The following XPO1 variants were observed in gnomAD, a reference collection of about 807,000 sequenced individuals.
XPO1 encodes the protein exportin-1.
XPO1 carries 5 observed loss-of-function variants against 133.3 expected under a neutral mutation model. That is an observed-to-expected ratio of 0.04 (90% CI 0.02 to 0.08). XPO1 has a LOEUF of 0.08. Ranked by LOEUF, XPO1 falls within the 10% of genes least tolerant of loss-of-function variation. The pLI is 1.00. For synonymous variants in XPO1, 419 were observed against 408.2 expected, an observed-to-expected ratio of 1.03 and a Z score of -0.32; for missense variants, 506 against 1,267.5, an observed-to-expected ratio of 0.40 and a Z score of 9.12.
chr2:61,496,059 T>C (rs1025878727), intron 10 of XPO1, among the ~76,000 whole-genome samples: 7 of 152,168 alleles, frequency 4.6e-5, no homozygotes, highest in African/African-American at 1.7e-4. Context: ...TACCTATTCT[T>C]ATATCTCTAG....
intron 4 of XPO1, among the ~76,000 whole-genome samples, chr2:61,518,935 A>T (rs958813516): frequency 3.3e-5 from 5 of 152,170 alleles, no homozygotes; most frequent in African/African-American, 1.2e-4. Flanking sequence ...TCTTTTAAAC[A>T]TCCTTACTTT....
intron 4 of XPO1, among the ~76,000 whole-genome samples, chr2:61,504,794 T>C (rs1697714615): frequency 3.3e-5 from 5 of 152,202 alleles, no homozygotes; most frequent in Admixed American, 3.3e-4. Context: ...TATATAATTT[T>C]TATTAACTAT....
At chr2:61,530,264 ATT>A (rs1474812384) in intron 2 of XPO1, among the ~76,000 whole-genome samples, 1 of 152,156 alleles carries the variant, frequency 6.6e-6, no homozygotes, top group Non-Finnish European at 1.5e-5. Flanking sequence ...CATAAATAAT[ATT>A]CTTTCCTGTT....
intron 4 of XPO1, among the ~76,000 whole-genome samples, chr2:61,505,257 T>A (rs148755859): frequency 6.6e-6 from 1 of 152,224 alleles, no homozygotes. Flanking sequence ...CCACATTTTA[T>A]GTTGGGATTA....
At chr2:61,482,159 T>TGCGATCATAGCTCACTGCAGTCTTAAA (rs1553401195) in intron 23 of XPO1, among the ~76,000 whole-genome samples, 4 of 150,676 alleles carry the variant, frequency 2.7e-5, no homozygotes, top group Admixed American at 6.7e-5. Context: ...CAAACAACCC[T>TGCGATCATAGCTCACTGCAGTCTTAAA]CTCGCCTCAG....
At chr2:61,503,212 C>T (rs1219585075) in intron 4 of XPO1, among the ~76,000 whole-genome samples, 1 of 152,072 alleles carries the variant, frequency 6.6e-6, no homozygotes, top group African/African-American at 2.4e-5. Flanking sequence ...CCTCCTCGGC[C>T]TCCCAAAGTG....
At chr2:61,526,802 G>A (rs1698923582) in intron 2 of XPO1, among the ~76,000 whole-genome samples, 1 of 151,820 alleles carries the variant, frequency 6.6e-6, no homozygotes, top group Non-Finnish European at 1.5e-5. Context: ...CTGCCTCCTG[G>A]GTTCAAGCGA....
intron 19 of XPO1, 148 bp from the exon 20 acceptor site, chr2:61,486,110 A>G (rs1368760062): frequency 7.9e-6 from 6 of 756,430 alleles, no homozygotes; most frequent in East Asian, 2.8e-5. Context: ...TTCCTACGTC[A>G]AAACAGTTTT....
chr2:61,526,019 G>C, intron 3 of XPO1: 2 of 1,064,518 alleles, frequency 1.9e-6, no homozygotes, highest in Non-Finnish European at 2.3e-6. Context: ...CAATGCCATG[G>C]AGTAGGGTTT....
rs772215734 is a variant in XPO1 at position 61,485,738 on chromosome 2, T to TC, written c.2508+29dup. 3.2e-6 allele frequency: 5 copies of TC among 1,559,470 alleles called. No individual in the cohort carries two copies. The Admixed American group carries it at 7.1e-5, about 22-fold the overall frequency. On this transcript the variant is annotated intron_variant, in intron 20 of 24. Coordinates refer to ENST00000401558, the MANE Select transcript of XPO1 (RefSeq NM_003400.4). ...AGAATTAAGGCTATCCTGCAGAATT[T>TC]CCCCCTTACATAACTGAAATATTAC...
intron 11 of XPO1, chr2:61,494,661 T>C (rs1385303675): frequency 1.3e-5 from 2 of 152,800 alleles, no homozygotes; most frequent in East Asian, 3.9e-4. Flanking sequence ...AAAGTGACTG[T>C]TTTAGGGGTA....
intron 4 of XPO1, among the ~76,000 whole-genome samples, chr2:61,510,239 T>C (rs1307377612): frequency 1.3e-5 from 2 of 152,162 alleles, no homozygotes; most frequent in African/African-American, 2.4e-5. Flanking sequence ...ATTGTACTAC[T>C]GCAATCCAAG....
At chr2:61,479,399 C>A (rs1223150353) in intron 24 of XPO1, among the ~76,000 whole-genome samples, 1 of 151,754 alleles carries the variant, frequency 6.6e-6, no homozygotes, top group African/African-American at 2.4e-5. Context: ...TTGCAGTGAG[C>A]CAAGATCACG....
Position 61,478,199 on chromosome 2 carries a change from A to T in XPO1, c.*621T>A, listed in dbSNP as rs1290533592. 1 of 233,458 alleles carries T rather than the reference A, an allele frequency of 4.3e-6. No individual in the cohort carries two copies. The highest frequency in any genetic ancestry group is 8.5e-6 in the Non-Finnish European group (1 of 117,934). The allele number at this position is 233,458 out of a possible 1,614,324, so 14.5% of individuals were successfully genotyped here. Reference sequence around the variant, plus strand: ...GACAAGCGACAGCACACACACACAAAAACAAAAAGAACTGTGTAAAAATAA... The same window carrying T: ...GACAAGCGACAGCACACACACACAATAACAAAAAGAACTGTGTAAAAATAA... On this transcript the variant is annotated 3_prime_UTR_variant, in exon 25 of 25. Transcript: ENST00000401558.
intron 4 of XPO1, among the ~76,000 whole-genome samples, chr2:61,507,960 C>T (rs1361015759): frequency 3.3e-5 from 5 of 152,104 alleles, no homozygotes; most frequent in East Asian, 1.9e-4. Context: ...TAAGTCCTGA[C>T]GTTGCCAACA....
intron 4 of XPO1, among the ~76,000 whole-genome samples, chr2:61,520,811 A>G (rs1311991133): frequency 6.6e-6 from 1 of 152,228 alleles, no homozygotes; most frequent in Non-Finnish European, 1.5e-5. Flanking sequence ...TTAAGAACAA[A>G]AGGAGGATTT....
intron 1 of XPO1, 120 bp from the exon 2 acceptor site, chr2:61,534,023 C>G: frequency 9.6e-7 from 1 of 1,041,718 alleles, no homozygotes; most frequent in East Asian, 3.2e-5. Flanking sequence ...ACTTTAGAGA[C>G]TTTAATTACA....
chr2:61,535,092 T>C (rs531042502), intron 1 of XPO1, among the ~76,000 whole-genome samples: 8 of 152,376 alleles, frequency 5.3e-5, no homozygotes, highest in African/African-American at 1.7e-4. Context: ...CTAGTTCATA[T>C]GCAGTGCTAT....
rs529915742 is a variant in XPO1 at position 61,516,002 on chromosome 2, T to C, written c.301+6609A>G. Among the ~76,000 whole-genome samples the C allele has an allele frequency of 6.2e-4, 92 of 148,476 alleles. 1 individual carries two copies. The highest frequency in any genetic ancestry group is 2.2e-3 in the African/African-American group (88 of 39,888). ...TTAGCCAGACGTGGTAGCAGGCACC[T>C]GTAGTCCCAGCTACTCAGGAGGCTG... On this transcript the variant is annotated intron_variant, in intron 4 of 24. Transcript: ENST00000401558.
Sources: allele counts gnomAD v4.1 joint callset (sites outside exome capture counted in the v4.1 genomes callset), GRCh38; gene constraint gnomAD v4.1.1; transcripts MANE v1.5; gene names NCBI Gene and HGNC (gene_info 2026-07-23, HGNC 2026-07-21).